ADGRG1: variants seen among roughly 807,000 people sequenced by gnomAD.
ADGRG1 encodes the protein 7-transmembrane protein with no EGF-like N-terminal domains-1.
ADGRG1 carries 53 observed loss-of-function variants against 73.5 expected under a neutral mutation model. The ratio of observed to expected loss-of-function variants is 0.72; its 90% confidence interval spans 0.58 to 0.91. ADGRG1 has a LOEUF of 0.91. Among genes scored for constraint, ADGRG1 ranks in the 40% least tolerant of loss-of-function variants. The probability of loss-of-function intolerance (pLI) is 0.00; values close to 1 mark genes in which losing one functional copy is unlikely to be tolerated. For missense variants in ADGRG1, 795 were observed against 871.8 expected, an observed-to-expected ratio of 0.91 and a Z score of 1.11; for synonymous variants, 394 against 374.4, an observed-to-expected ratio of 1.05 and a Z score of -0.60.
upstream of ADGRG1, chr16:57,626,615 G>A (rs578247788): frequency 7.7e-4 from 754 of 985,466 alleles, 1 homozygote; most frequent in Non-Finnish European, 8.4e-4. Flanking sequence ...TATGTGGCCA[G>A]AGTGGCAGCT....
chr16:57,633,543 TA>T, intron 1 of ADGRG1: 2 of 984,250 alleles, frequency 2.0e-6, no homozygotes, highest in Non-Finnish European at 2.4e-6. Flanking sequence ...GGTGGGCTGT[TA>T]GGGGTGTGGG....
At chr16:57,626,952 T>C (rs2035955041), upstream of ADGRG1, 1 of 985,434 alleles carries the variant, frequency 1.0e-6, no homozygotes, top group African/African-American at 1.7e-5. Flanking sequence ...ATAAGGGAGT[T>C]CCCACTGCAG....
intron 1 of ADGRG1, chr16:57,630,948 C>T: frequency 1.0e-6 from 1 of 984,990 alleles, no homozygotes; most frequent in Non-Finnish European, 1.2e-6. Flanking sequence ...TGAGCCAGGC[C>T]AGCAGGTCTC....
chr16:57,643,867 C>T (rs531971263), intron 1 of ADGRG1: 44 of 979,164 alleles, frequency 4.5e-5, no homozygotes, highest in Non-Finnish European at 5.3e-5. Flanking sequence ...AAGCTGTTAT[C>T]CCAGGACCCA....
chr16:57,635,203 C>T, intron 1 of ADGRG1: 1 of 985,376 alleles, frequency 1.0e-6, no homozygotes, highest in Non-Finnish European at 1.2e-6. Flanking sequence ...CCCTGCCCCC[C>T]ACCTGCCTAG....
At chr16:57,654,439 A>C (rs2045060208) in intron 5 of ADGRG1, among the ~76,000 whole-genome samples, 1 of 118,048 alleles carries the variant, frequency 8.5e-6, no homozygotes, top group Non-Finnish European at 1.7e-5. Flanking sequence ...TTTTTTCGAG[A>C]CAGGGTCTTG....
At chr16:57,634,248 T>C in intron 1 of ADGRG1, 1 of 985,354 alleles carries the variant, frequency 1.0e-6, no homozygotes, top group Non-Finnish European at 1.2e-6. Context: ...GCACCCTGGG[T>C]CTCGGACCCT....
chr16:57,635,244 A>G, intron 1 of ADGRG1: 1 of 985,112 alleles, frequency 1.0e-6, no homozygotes, highest in Non-Finnish European at 1.2e-6. Context: ...GCTGGAAGAA[A>G]CCCTCGTGCA....
chr16:57,628,883 TGAGA>T, intron 1 of ADGRG1, 81 bp downstream of exon 1: 1 of 895,642 alleles, frequency 1.1e-6, no homozygotes. Context: ...CGTGAGTGTG[TGAGA>T]GTGTGAGTGT....
At chr16:57,625,667 A>T (rs762471491), upstream of ADGRG1, 1 of 984,982 alleles carries the variant, frequency 1.0e-6, no homozygotes, top group Non-Finnish European at 1.2e-6. Context: ...ATTCAGATTC[A>T]GCAGGTCTCA....
chr16:57,633,077 C>A, intron 1 of ADGRG1: 2 of 537,802 alleles, frequency 3.7e-6, no homozygotes, highest in Non-Finnish European at 4.7e-6. Flanking sequence ...GGAAAGCTGA[C>A]TTTTGAGAGG....
rs374324348 is a variant in ADGRG1 at position 57,656,496 on chromosome 16, G to A, written c.1064-18G>A. On this transcript the variant is annotated intron_variant, in intron 8 of 13. Coordinates refer to ENST00000562631, the MANE Select transcript of ADGRG1 (RefSeq NM_201525.4). ...GAGGACTGGACTTGATTGGAGCCCC[G>A]TGCTGTCCCCTCCTCAGTGAGCAGC... 68 of 1,599,026 alleles carry A rather than the reference G, an allele frequency of 4.3e-5. No individual in the cohort carries two copies. The African/African-American group carries it at 5.4e-4, about 13-fold the overall frequency.
intron 1 of ADGRG1, chr16:57,637,534 G>A: frequency 1.0e-6 from 1 of 985,434 alleles, no homozygotes; most frequent in Non-Finnish European, 1.2e-6. Flanking sequence ...TGATGCAACA[G>A]AGGCCGCCTT....
chr16:57,663,321 G>A, intron 13 of ADGRG1, 131 bp from the exon 14 acceptor site: 1 of 1,532,664 alleles, frequency 6.5e-7, no homozygotes, highest in Non-Finnish European at 8.7e-7. Flanking sequence ...TCTCATGGGT[G>A]CCCGACAGCA....
intron 1 of ADGRG1, chr16:57,647,661 C>A: frequency 2.3e-6 from 1 of 442,510 alleles, no homozygotes. Context: ...GCTCTAGAGT[C>A]TACCCCATGG....
At chr16:57,639,513 G>A in intron 1 of ADGRG1, 1 of 985,472 alleles carries the variant, frequency 1.0e-6, no homozygotes, top group South Asian at 4.7e-5. Flanking sequence ...AGTGGCTGGG[G>A]TGGCCCAGCT....
At chr16:57,641,324 C>T (rs140424623) in intron 1 of ADGRG1, 22 of 985,290 alleles carry the variant, frequency 2.2e-5, no homozygotes, top group East Asian at 1.1e-4. Flanking sequence ...TGTGCCCTGG[C>T]GCCCAGGAGG....
chr16:57,662,077 TCCCATTCATAAAATGGGGA>T lies in ADGRG1; in HGVS notation c.1933+114_1933+132del, dbSNP rs1463889495. The T allele has an allele frequency of 2.2e-5, 19 of 879,936 alleles. No individual in the cohort carries two copies. In the Admixed American group the frequency reaches 2.4e-4, roughly 11 times the overall value. 54.5% of individuals were successfully genotyped at this position (879,936 alleles called of 1,614,324 possible). ...ACTTCCCTTCTCTGGGCCTCAGTCA[TCCCATTCATAAAATGGGGA>T]CATCCAGGCCACAGTCAACAAGTCT... On this transcript the variant is annotated intron_variant, in intron 13 of 13. Transcript: ENST00000562631.
At chr16:57,654,887 A>T (rs2148387895) in intron 5 of ADGRG1, 1 of 172,924 alleles carries the variant, frequency 5.8e-6, no homozygotes. Context: ...CTCAAAAAAC[A>T]TTTTTTTATT....
Sources: allele counts gnomAD v4.1 joint callset (sites outside exome capture counted in the v4.1 genomes callset), GRCh38; gene constraint gnomAD v4.1.1; transcripts MANE v1.5; gene names NCBI Gene and HGNC (gene_info 2026-07-23, HGNC 2026-07-21).